Variants in CNTNAP2 observed in about 807,000 individuals in gnomAD.
The protein encoded by CNTNAP2 is contactin associated protein 2.
In CNTNAP2, 98 loss-of-function variants were observed where a neutral mutation model predicts 155.2. That is an observed-to-expected ratio of 0.63 (90% CI 0.54 to 0.75). The LOEUF (loss-of-function observed/expected upper bound fraction) is 0.75, where lower values mean the gene tolerates loss of function less well. Among genes scored for constraint, CNTNAP2 ranks in the 30% least tolerant of loss-of-function variants. CNTNAP2 has a pLI of 0.00. For synonymous variants in CNTNAP2, 651 were observed against 631.2 expected (o/e 1.03, Z -0.47); for missense variants, 1,727 against 1,688.1 (o/e 1.02, Z -0.40).
rs549676531 is a variant in CNTNAP2, at chr7:148,169,893, G to A, written c.2774-2349G>A. Reference sequence around the variant, plus strand: ...GAGAATTGCTTGAACCCGGGAGGCGGAGGTTGCAGTGAGCTGAGATCATGC... The same window carrying A: ...GAGAATTGCTTGAACCCGGGAGGCGAAGGTTGCAGTGAGCTGAGATCATGC... On this transcript the variant is annotated intron_variant, in intron 17 of 23. Transcript: ENST00000361727. 1.5e-4 allele frequency among the ~76,000 whole-genome samples: 23 copies of A among 152,096 alleles called. No homozygotes were observed. In the East Asian group the frequency reaches 3.5e-3, roughly 23 times the overall value.
chr7:147,822,844 C>T (rs994275214), intron 13 of CNTNAP2, among the ~76,000 whole-genome samples: 1 of 152,048 alleles, frequency 6.6e-6, no homozygotes, highest in African/African-American at 2.4e-5. Context: ...TGCCTTTTTA[C>T]CTAGAAAAAC....
intron 4 of CNTNAP2, among the ~76,000 whole-genome samples, chr7:147,098,361 A>G (rs1170949903): frequency 2.0e-5 from 3 of 152,204 alleles, no homozygotes; most frequent in Admixed American, 6.5e-5. Flanking sequence ...TTTTTAGAAC[A>G]GTCGAATGTG....
intron 3 of CNTNAP2, chr7:146,963,148 C>T (rs190529921): frequency 1.4e-4 from 21 of 152,190 alleles, no homozygotes; most frequent in East Asian, 9.7e-4. Context: ...GTTTGGCTAC[C>T]GCGAAATGTA....
intron 14 of CNTNAP2, among the ~76,000 whole-genome samples, chr7:147,926,939 ATAGT>A (rs1373908065): frequency 2.6e-5 from 4 of 152,228 alleles, no homozygotes; most frequent in Non-Finnish European, 4.4e-5. Context: ...TTATAATTGC[ATAGT>A]TAGTTACAAA....
At chr7:146,775,136 G>A (rs1281507734) in intron 2 of CNTNAP2, among the ~76,000 whole-genome samples, 1 of 152,162 alleles carries the variant, frequency 6.6e-6, no homozygotes. Context: ...AACAGGAATG[G>A]TGGTGGTTGA....
At position 146,187,956 on chromosome 7, in the gene CNTNAP2, T is replaced by C. The variant is rs190047182; in HGVS notation, c.97+70983T>C. ...TCTTGTGCATTTATTATTAATACTG[T>C]GAGCAGAACAGTTCCTCTGAGATTT... On this transcript the variant is annotated intron_variant, in intron 1 of 23. Transcript: ENST00000361727. Among the ~76,000 whole-genome samples the C allele has an allele frequency of 3.9e-5, 6 of 152,328 alleles. No individual in the cohort carries two copies. In the East Asian group the frequency reaches 9.6e-4, roughly 24 times the overall value.
chr7:146,535,204 C>A (rs13235312), intron 1 of CNTNAP2, among the ~76,000 whole-genome samples: 1 of 32,546 alleles, frequency 3.1e-5, no homozygotes, highest in East Asian at 1.2e-3. Context: ...TATCATATAT[C>A]ATATATATGA....
intron 1 of CNTNAP2, among the ~76,000 whole-genome samples, chr7:146,538,299 A>G (rs918579714): frequency 6.6e-6 from 1 of 152,138 alleles, no homozygotes; most frequent in African/African-American, 2.4e-5. Context: ...ATTTACAACA[A>G]TGAGCATTGA....
chr7:146,567,068 G>T (rs942192990), intron 1 of CNTNAP2, among the ~76,000 whole-genome samples: 1 of 152,146 alleles, frequency 6.6e-6, no homozygotes, highest in Non-Finnish European at 1.5e-5. Context: ...TAATCATACT[G>T]TATAGTTGTG....
chr7:146,502,625 G>T (rs1319155957), intron 1 of CNTNAP2, among the ~76,000 whole-genome samples: 12 of 151,910 alleles, frequency 7.9e-5, no homozygotes, highest in Non-Finnish European at 1.2e-4. Flanking sequence ...TGTTGTTGTT[G>T]TTTTGAAACA....
rs538446337 is a variant in CNTNAP2, at chr7:147,429,551, C to CA, written c.1670+33775dup. Among the ~76,000 whole-genome samples, 171 of 152,144 alleles carry CA rather than the reference C, an allele frequency of 1.1e-3. 2 individuals carry two copies. The highest frequency in any genetic ancestry group is 6.4e-3 in the South Asian group (31 of 4,820). On this transcript the variant is annotated intron_variant, in intron 10 of 23. Coordinates refer to ENST00000361727, the MANE Select transcript of CNTNAP2 (RefSeq NM_014141.6). The stretch of plus-strand genomic sequence containing the variant: ...TCTGCTGATAATTTCTTTTGCTGTG[C>CA]AAAAGCTTTTTAGTTTAATTAGATC...
At chr7:146,590,461 A>G (rs2129149362) in intron 1 of CNTNAP2, among the ~76,000 whole-genome samples, 1 of 152,270 alleles carries the variant, frequency 6.6e-6, no homozygotes, top group South Asian at 2.1e-4. Context: ...CAAAGTCAAT[A>G]GAATATGAAA....
intron 11 of CNTNAP2, among the ~76,000 whole-genome samples, chr7:147,531,657 C>T (rs988071423): frequency 1.3e-5 from 2 of 152,118 alleles, no homozygotes; most frequent in African/African-American, 4.8e-5. Flanking sequence ...GGCCTCCAGG[C>T]CTGTGATGGG....
intron 3 of CNTNAP2, among the ~76,000 whole-genome samples, chr7:146,851,650 CTGTGTGTG>C (rs71165041): frequency 0.1 from 13,640 of 132,952 alleles, 944 homozygotes; most frequent in African/African-American, 0.19. Context: ...CATCTTTCTT[CTGTGTGTG>C]TGTGTGTGTG....
At chr7:146,714,600 C>G (rs1204195682) in intron 1 of CNTNAP2, among the ~76,000 whole-genome samples, 1 of 152,010 alleles carries the variant, frequency 6.6e-6, no homozygotes, top group Non-Finnish European at 1.5e-5. Context: ...AAGTGTATAC[C>G]TATAGGAAAT....
intron 12 of CNTNAP2, among the ~76,000 whole-genome samples, chr7:147,617,522 A>G (rs1801315575): frequency 6.6e-6 from 1 of 152,174 alleles, no homozygotes; most frequent in Admixed American, 6.5e-5. Flanking sequence ...AATATTTTAA[A>G]AAGTCTAAAA....
intron 1 of CNTNAP2, among the ~76,000 whole-genome samples, chr7:146,573,553 C>T (rs541337162): frequency 1.3e-5 from 2 of 152,226 alleles, no homozygotes; most frequent in Non-Finnish European, 1.5e-5. Context: ...GCATATCAAG[C>T]GCTCTGAGAA....
At chr7:147,920,531 T>C (rs1440676345) in intron 14 of CNTNAP2, among the ~76,000 whole-genome samples, 4 of 152,160 alleles carry the variant, frequency 2.6e-5, no homozygotes, top group Non-Finnish European at 4.4e-5. Flanking sequence ...TGTCTGTGCC[T>C]ACCTGTGATC....
At chr7:147,911,446 T>G (rs548937671) in intron 14 of CNTNAP2, among the ~76,000 whole-genome samples, 17 of 152,324 alleles carry the variant, frequency 1.1e-4, no homozygotes, top group African/African-American at 3.8e-4. Context: ...GGGTCTTATT[T>G]CTGGAACCAT....
Sources: allele counts gnomAD v4.1 joint callset (sites outside exome capture counted in the v4.1 genomes callset), GRCh38; gene constraint gnomAD v4.1.1; transcripts MANE v1.5; gene names NCBI Gene and HGNC (gene_info 2026-07-23, HGNC 2026-07-21).